Variants in SLC24A2 observed in about 807,000 individuals in gnomAD.
SLC24A2 encodes the protein sodium/potassium/calcium exchanger 2.
In SLC24A2, 36 loss-of-function variants were observed where a neutral mutation model predicts 62.0. The ratio of observed to expected loss-of-function variants is 0.58; its 90% CI spans 0.44 to 0.77. The LOEUF (loss-of-function observed/expected upper bound fraction) is 0.77. SLC24A2 is among the 30% of genes least tolerant of loss of function. SLC24A2 has a pLI of 0.00. For synonymous variants in SLC24A2, 358 were observed against 294.0 expected (o/e 1.22, Z -2.23); for missense variants, 846 against 817.9 (o/e 1.03, Z -0.42).
intron 8 of SLC24A2, among the ~76,000 whole-genome samples, chr9:19,543,370 A>C (rs943667475): frequency 8.1e-5 from 12 of 147,708 alleles, no homozygotes; most frequent in African/African-American, 2.7e-4. Context: ...CTTTTCAAGA[A>C]ACCAGCTCCT....
chr9:20,021,846 T>C, the SLC24A2 span, among the ~76,000 whole-genome samples: 1 of 152,154 alleles, frequency 6.6e-6, no homozygotes, highest in African/African-American at 2.4e-5. Flanking sequence ...CACCTCCTCC[T>C]ACACCTTGAG....
rs1832912183 is a variant in SLC24A2, at chr9:19,516,117, C to T, written c.*36G>A. On this transcript the variant is annotated 3_prime_UTR_variant, in exon 11 of 11. Transcript: ENST00000341998. ...CCCAGAGCCCAGAGTGTGGAGGGAC[C>T]ATTCATGCTGCTGGTGCAAGATATG... 1 of 1,613,462 alleles carries T rather than the reference C, an allele frequency of 6.2e-7. No homozygotes were observed. The highest frequency in any genetic ancestry group is 8.5e-7 in the Non-Finnish European group (1 of 1,179,666).
chr9:20,224,380 T>C, the SLC24A2 span, among the ~76,000 whole-genome samples: 1 of 151,972 alleles, frequency 6.6e-6, no homozygotes, highest in East Asian at 1.9e-4. Context: ...AAATTCAATT[T>C]ACAACAGTAA....
the SLC24A2 span, among the ~76,000 whole-genome samples, chr9:20,093,519 T>C: frequency 3.3e-5 from 5 of 152,232 alleles, no homozygotes; most frequent in Admixed American, 2.6e-4. Flanking sequence ...CAGAAATACA[T>C]TTACCAAAAA....
chr9:20,143,501 G>A, the SLC24A2 span, among the ~76,000 whole-genome samples: 4 of 152,196 alleles, frequency 2.6e-5, no homozygotes, highest in Non-Finnish European at 5.9e-5. Context: ...CAGGCAGTTT[G>A]TCTACTGCAA....
At chr9:20,304,073 G>A in the SLC24A2 span, among the ~76,000 whole-genome samples, 41 of 152,300 alleles carry the variant, frequency 2.7e-4, no homozygotes, top group African/African-American at 9.4e-4. Flanking sequence ...TTAGTCTTGG[G>A]TTTTATGCTG....
At chr9:20,053,685 T>G in the SLC24A2 span, among the ~76,000 whole-genome samples, 1 of 152,204 alleles carries the variant, frequency 6.6e-6, no homozygotes, top group African/African-American at 2.4e-5. Flanking sequence ...CCTTCCATTA[T>G]GGAGGTTTAC....
the SLC24A2 span, among the ~76,000 whole-genome samples, chr9:20,302,200 G>GTTAATAGA: frequency 6.6e-6 from 1 of 152,322 alleles, no homozygotes; most frequent in South Asian, 2.1e-4. Flanking sequence ...TAACATCTGT[G>GTTAATAGA]TGTAGGTTTT....
At chr9:20,243,978 G>T in the SLC24A2 span, among the ~76,000 whole-genome samples, 1 of 152,116 alleles carries the variant, frequency 6.6e-6, no homozygotes, top group Non-Finnish European at 1.5e-5. Flanking sequence ...ATCAGGCGGA[G>T]ATTTCTAAAC....
chr9:19,695,398 C>T (rs1310862712), intron 2 of SLC24A2, among the ~76,000 whole-genome samples: 2 of 151,806 alleles, frequency 1.3e-5, no homozygotes, highest in African/African-American at 2.4e-5. Context: ...GAGGAAAGCC[C>T]TCACAATGAA....
At chr9:20,234,364 C>G in the SLC24A2 span, among the ~76,000 whole-genome samples, 1 of 152,242 alleles carries the variant, frequency 6.6e-6, no homozygotes, top group Non-Finnish European at 1.5e-5. Context: ...TCAGATACAC[C>G]AGTCAGACGT....
the SLC24A2 span, among the ~76,000 whole-genome samples, chr9:19,850,016 A>T: frequency 4.5e-5 from 6 of 134,332 alleles, no homozygotes; most frequent in Non-Finnish European, 9.9e-5. Flanking sequence ...ATAAGAATAA[A>T]AACTGCTTTT....
chr9:20,050,330 C>T, the SLC24A2 span, among the ~76,000 whole-genome samples: 2 of 151,186 alleles, frequency 1.3e-5, no homozygotes, highest in African/African-American at 4.9e-5. Context: ...GCATGAGAAT[C>T]GCTTGAACCT....
At chr9:19,868,226 T>G in the SLC24A2 span, among the ~76,000 whole-genome samples, 4 of 152,178 alleles carry the variant, frequency 2.6e-5, no homozygotes, top group Middle Eastern at 3.2e-3. Flanking sequence ...ATTCAATGTA[T>G]TTTTGAATTT....
chr9:19,998,691 C>T, the SLC24A2 span, among the ~76,000 whole-genome samples: 332 of 152,246 alleles, frequency 2.2e-3, 2 homozygotes, highest in African/African-American at 7.8e-3. Context: ...TGCTCAAATC[C>T]GTTCATACTA....
At chr9:19,516,695 A>C (rs1427672641) in intron 10 of SLC24A2, among the ~76,000 whole-genome samples, 1 of 152,196 alleles carries the variant, frequency 6.6e-6, no homozygotes, top group East Asian at 1.9e-4. Context: ...TTTGACTGGA[A>C]ATTATTTTGT....
the SLC24A2 span, among the ~76,000 whole-genome samples, chr9:20,203,279 T>A: frequency 6.6e-6 from 1 of 152,180 alleles, no homozygotes; most frequent in Non-Finnish European, 1.5e-5. Flanking sequence ...CCTATTACCT[T>A]AATATACATC....
intron 2 of SLC24A2, among the ~76,000 whole-genome samples, chr9:19,655,139 T>C (rs944402997): frequency 6.6e-6 from 1 of 152,228 alleles, no homozygotes; most frequent in African/African-American, 2.4e-5. Flanking sequence ...TGTAACACTG[T>C]CTCAAATTCA....
rs933494899 is a variant in SLC24A2 at position 19,513,930 on chromosome 9, G to C, written c.*2223C>G. On this transcript the variant is annotated 3_prime_UTR_variant, in exon 11 of 11. Coordinates refer to ENST00000341998, the MANE Select transcript of SLC24A2 (RefSeq NM_020344.4). ...ACAAAGTCCTGACCTTGATGAATGA[G>C]ATTCATTCCCATTAGGTGGCAGGTT... The C allele has an allele frequency of 6.6e-6, 1 of 152,184 alleles. No homozygotes were observed. Among genetic ancestry groups the C allele is most frequent in the African/African-American group, 2.4e-5 (1 of 41,440 alleles). The allele number at this position is 152,184 out of a possible 1,614,324, so 9.4% of individuals were successfully genotyped here. A position where few individuals can be genotyped will look rare whatever the true frequency, so the allele number is the denominator to read the frequency against.
Sources: gnomAD v4.1 joint callset for allele counts (sites outside exome capture counted in the v4.1 genomes callset) on GRCh38, gnomAD v4.1.1 for gene constraint, MANE v1.5 for transcripts, NCBI Gene and HGNC (gene_info 2026-07-23, HGNC 2026-07-21) for gene names.